Variants in ZDBF2 observed in about 807,000 individuals in gnomAD.
ZDBF2 encodes DBF4-type zinc finger-containing protein 2.
Under a neutral mutation model 9.4 loss-of-function variants are expected in ZDBF2, and 6 were observed. That is an observed-to-expected ratio of 0.64 (90% CI 0.35 to 1.27). The LOEUF is 1.27. Ranked by LOEUF, ZDBF2 falls within the 50% of genes most tolerant of loss-of-function variation. ZDBF2 has a pLI of 0.03. For missense variants in ZDBF2, 2,697 were observed against 2,766.8 expected, an observed-to-expected ratio of 0.97 and a Z score of 0.57; for synonymous variants, 905 against 946.3, an observed-to-expected ratio of 0.96 and a Z score of 0.80.
At chr2:206,294,860 A>G (rs1040089642) in intron 3 of ZDBF2, among the ~76,000 whole-genome samples, 2 of 152,176 alleles carry the variant, frequency 1.3e-5, no homozygotes, top group African/African-American at 2.4e-5. Flanking sequence ...TCCATGATGT[A>G]TATGTACCAC....
chr2:206,305,432 T>G lies in ZDBF2; in HGVS notation c.904T>G (p.Ser302Ala), dbSNP rs774965026. Residue 302 changes from serine (S) to alanine (A), a missense_variant, in exon 5 of 5, where the codon TCT (serine) becomes GCT (alanine). Ser to Ala is a moderately conservative substitution (Grantham distance 99). Coordinates refer to ENST00000374423, the MANE Select transcript of ZDBF2 (RefSeq NM_020923.3). ...MGTKGSLRVK[S>A]PSKLAVNPNK... ...TACTAAGGGCTCCTTAAGAGTTAAA[T>G]CTCCTTCCAAATTAGCAGTAAACCC... 1 of 1,613,312 alleles carries G rather than the reference T, an allele frequency of 6.2e-7. No homozygotes were observed. Among genetic ancestry groups the G allele is most frequent in the Non-Finnish European group, 8.5e-7 (1 of 1,179,730 alleles).
rs371758158 is a variant in ZDBF2, at chr2:206,307,574, G to C, written c.3046G>C (p.Val1016Leu). Residue 1016 changes from valine (V) to leucine (L), a missense_variant, in exon 5 of 5, where the codon GTA becomes CTA. This residue lies in a region of ZDBF2 where 1,783 missense variants were observed against 1,776.5 expected (regional missense o/e 1.00). Coordinates refer to ENST00000374423, the MANE Select transcript of ZDBF2 (RefSeq NM_020923.3). ...VPHYSVTEPQ[V>L]AVNKINRKKQ... ...TCATTATTCAGTAACTGAACCTCAA[G>C]TAGCTGTTAACAAAATAAACAGAAA... 6.2e-6 allele frequency: 10 copies of C among 1,613,456 alleles called. No individual in the cohort carries two copies. Among genetic ancestry groups the C allele is most frequent in the Non-Finnish European group, 8.5e-6 (10 of 1,179,680 alleles).
Position 206,308,404 on chromosome 2 carries a change from C to A in ZDBF2, c.3876C>A (p.Pro1292=). Residue 1292 remains proline (P), a synonymous_variant, in exon 5 of 5, where the codon CCC becomes CCA. Transcript: ENST00000374423. ...GAATAAATTTTGATTCTCATGAACC[C>A]CTTCAGTCCGTAACTAATAAAATTC... ...DSRINFDSHE[P]LQSVTNKIPG... 5.6e-6 allele frequency: 9 copies of A among 1,613,232 alleles called. No individual in the cohort carries two copies. Among genetic ancestry groups the A allele is most frequent in the Middle Eastern group, 3.3e-4 (2 of 6,056 alleles).
Position 206,311,159 on chromosome 2 carries a change from C to T in ZDBF2, c.6631C>T (p.Gln2211Ter). 1 of 1,613,098 alleles carries T rather than the reference C, an allele frequency of 6.2e-7. No individual in the cohort carries two copies. The highest frequency in any genetic ancestry group is 8.5e-7 in the Non-Finnish European group (1 of 1,179,702). The change falls in exon 5 of 5, where the codon CAG (glutamine) becomes TAG (stop). Residue 2211 changes from glutamine to a stop codon, truncating the protein, a stop_gained. Coordinates refer to ENST00000374423, the MANE Select transcript of ZDBF2 (RefSeq NM_020923.3). LOFTEE classifies it low-confidence loss of function (END_TRUNC). ...AAAACCCAGAAAAGCTTCAGAGAAA[C>T]AGTCAATTTGGATTCGGACCAAACC... is the stretch of plus-strand genomic sequence containing the variant. The part of the protein sequence containing the change: ...QQKPRKASEK[Q>*]SIWIRTKPSD...
chr2:206,300,405 T>TA (rs1325113192), intron 4 of ZDBF2, among the ~76,000 whole-genome samples: 1 of 152,206 alleles, frequency 6.6e-6, no homozygotes, highest in Non-Finnish European at 1.5e-5. Flanking sequence ...ACTTTATTTA[T>TA]AGAGTACTGG....
chr2:206,282,887 C>A (rs1691397578), intron 3 of ZDBF2, among the ~76,000 whole-genome samples: 1 of 152,206 alleles, frequency 6.6e-6, no homozygotes, highest in Non-Finnish European at 1.5e-5. Context: ...CTGTCACCAG[C>A]CCCTGGCAAC....
rs562154634 is a variant in ZDBF2 at position 206,304,662 on chromosome 2, A to C, written c.189-55A>C. ...ATAACATTTATTATGCCTCTATTTTAATATTTTAAACAGACATTAGAATAT... is the reference window on the plus strand; with the variant it reads ...ATAACATTTATTATGCCTCTATTTTCATATTTTAAACAGACATTAGAATAT... On this transcript the variant is annotated intron_variant, in intron 4 of 4. Transcript: ENST00000374423. 1,616 of 1,528,474 alleles carry C rather than the reference A, an allele frequency of 1.1e-3. 5 individuals carry two copies. Among genetic ancestry groups the C allele is most frequent in the Non-Finnish European group, 1.3e-3 (1,431 of 1,141,772 alleles). 94.7% of individuals were successfully genotyped at this position (1,528,474 alleles called of 1,614,324 possible). A position where few individuals can be genotyped will look rare whatever the true frequency, so the allele number is the denominator to read the frequency against.
chr2:206,295,685 A>C (rs1310850351), intron 3 of ZDBF2, among the ~76,000 whole-genome samples: 2 of 151,824 alleles, frequency 1.3e-5, no homozygotes, highest in African/African-American at 4.8e-5. Flanking sequence ...AGTTTACTCT[A>C]ATTTTTTGTG....
At chr2:206,277,788 C>A (rs1373517461) in intron 1 of ZDBF2, among the ~76,000 whole-genome samples, 2 of 150,490 alleles carry the variant, frequency 1.3e-5, no homozygotes, top group Non-Finnish European at 3.0e-5. Flanking sequence ...ACAAAAAAGC[C>A]CCATTTGATC....
chr2:206,311,207 A>G lies in ZDBF2; in HGVS notation c.6679A>G (p.Ile2227Val). The G allele has an allele frequency of 6.2e-7, 1 of 1,612,488 alleles. No homozygotes were observed. The highest frequency in any genetic ancestry group is 8.5e-7 in the Non-Finnish European group (1 of 1,179,444). ...ACCAAGTGATATCATTAGAAAGTAT[A>G]TTTCGAAATACTCTGTCTTTTTACG... ...TKPSDIIRKYISKYSVFLRHR... is the reference protein window; with the variant it reads ...TKPSDIIRKYVSKYSVFLRHR... The change falls in exon 5 of 5, where the codon ATT (isoleucine) becomes GTT (valine). Residue 2227 changes from isoleucine (I) to valine (V), a missense_variant. By Grantham distance (29) the Ile-to-Val change is conservative. This residue lies in a region of ZDBF2 where 1,783 missense variants were observed against 1,776.5 expected (regional missense o/e 1.00). Transcript: ENST00000374423.
At chr2:206,299,450 G>C (rs2105935466) in intron 4 of ZDBF2, among the ~76,000 whole-genome samples, 1 of 150,312 alleles carries the variant, frequency 6.7e-6, no homozygotes, top group Non-Finnish European at 1.5e-5. Context: ...GTGGGCTGAT[G>C]GCTTGAGGTC....
In ZDBF2 at chr2:206,308,124, T is replaced by C. The variant is rs1056053495; in HGVS notation, c.3596T>C (p.Val1199Ala). The C allele has an allele frequency of 6.2e-7, 1 of 1,613,948 alleles. No homozygotes were observed. Among genetic ancestry groups the C allele is most frequent in the Non-Finnish European group, 8.5e-7 (1 of 1,179,840 alleles). The stretch of plus-strand genomic sequence containing the variant: ...CACAATCAATGTTGTGGTTCTGAAG[T>C]AAGTTTTGATTCTGATGACCCTCTT... ...GKHNQCCGSE[V>A]SFDSDDPLQS... Residue 1199 changes from valine to alanine, a missense_variant, in exon 5 of 5, where the codon GTA (valine) becomes GCA (alanine). Coordinates refer to ENST00000374423, the MANE Select transcript of ZDBF2 (RefSeq NM_020923.3).
rs1287031928 is a variant in ZDBF2 at position 206,307,863 on chromosome 2, G to C, written c.3335G>C (p.Ser1112Thr). ...IGLKNKINEP[S>T]TYKLIHHPDV... ...CTGAAAAATAAGATTAATGAACCTA[G>C]TACTTATAAATTAATACATCATCCT... The change falls in exon 5 of 5, where the codon AGT becomes ACT. Residue 1112 changes from serine (S) to threonine (T), a missense_variant. Transcript: ENST00000374423. 6.2e-7 allele frequency: 1 copy of C among 1,613,530 alleles called. No homozygotes were observed. The highest frequency in any genetic ancestry group is 2.2e-5 in the East Asian group (1 of 44,866).
chr2:206,296,200 G>A (rs879267770), intron 3 of ZDBF2, among the ~76,000 whole-genome samples: 7 of 152,104 alleles, frequency 4.6e-5, no homozygotes, highest in African/African-American at 1.4e-4. Flanking sequence ...GATGTGGCTC[G>A]AAAATATTAA....
intron 3 of ZDBF2, chr2:206,291,954 A>G (rs1691920616): frequency 2.5e-6 from 1 of 396,834 alleles, no homozygotes; most frequent in Non-Finnish European, 4.4e-6. Flanking sequence ...TCTTTTAATA[A>G]GGAAGGTGAA....
In ZDBF2 at chr2:206,294,422, C is replaced by G. The variant is rs11898377; in HGVS notation, c.61-2824C>G. Among the ~76,000 whole-genome samples, 1,214 of 152,274 alleles carry G rather than the reference C, an allele frequency of 8.0e-3. 17 individuals are homozygous for G. The highest frequency in any genetic ancestry group is 0.028 in the African/African-American group (1,161 of 41,542). On this transcript the variant is annotated intron_variant, in intron 3 of 4. Transcript: ENST00000374423. ...TAGGATGTAAATGAAGTTTTCTATT[C>G]ACATTGCTTTTTTCTTTTTGCCTTG...
intron 2 of ZDBF2, among the ~76,000 whole-genome samples, chr2:206,281,480 A>T (rs1168346591): frequency 6.6e-6 from 1 of 152,230 alleles, no homozygotes; most frequent in African/African-American, 2.4e-5. Context: ...CCATAACAAT[A>T]TCTTAGAAGT....
Position 206,310,038 on chromosome 2 carries a change from G to C in ZDBF2, c.5510G>C (p.Arg1837Thr). 1 of 1,613,712 alleles carries C rather than the reference G, an allele frequency of 6.2e-7. No homozygotes were observed. The highest frequency in any genetic ancestry group is 8.5e-7 in the Non-Finnish European group (1 of 1,179,846). Residue 1837 changes from arginine (R) to threonine (T), a missense_variant, in exon 5 of 5, where the codon AGA becomes ACA. Physicochemically the swap from Arg to Thr is moderately conservative, Grantham distance 71. Around this residue, in one of 3 missense-constraint regions of ZDBF2, gnomAD observed 1,783 missense variants for 1,776.5 expected, o/e 1.00. Coordinates refer to ENST00000374423, the MANE Select transcript of ZDBF2 (RefSeq NM_020923.3). Reference sequence around the variant, plus strand: ...GGGAAAACATGGTCTCAGATAATGAGAGAAGATGACATAAAAATTAATGCT... The same window carrying C: ...GGGAAAACATGGTCTCAGATAATGACAGAAGATGACATAAAAATTAATGCT... ...FVGKTWSQIM[R>T]EDDIKINALV... is the part of the protein sequence containing the mutation.
chr2:206,289,375 G>A (rs534197780), intron 3 of ZDBF2, among the ~76,000 whole-genome samples: 6 of 152,248 alleles, frequency 3.9e-5, no homozygotes, highest in South Asian at 2.1e-4. Context: ...CACTGGGGAC[G>A]CATGACTTCT....
Sources: allele counts gnomAD v4.1 joint callset (sites outside exome capture counted in the v4.1 genomes callset), GRCh38; gene constraint gnomAD v4.1.1; regional missense constraint gnomAD v4.1.1; transcripts MANE v1.5; gene names NCBI Gene and HGNC (gene_info 2026-07-23, HGNC 2026-07-21).